TRPM6: variants seen among roughly 807,000 people sequenced by gnomAD.
TRPM6 encodes the protein transient receptor potential cation channel subfamily M member 6.
A neutral mutation model predicts 247.6 loss-of-function variants in TRPM6; 111 were observed. The observed-to-expected ratio is 0.45, with a 90% CI of 0.38 to 0.52. The LOEUF (loss-of-function observed/expected upper bound fraction) is 0.52. TRPM6 is among the 20% of genes least tolerant of loss of function. TRPM6 has a pLI of 0.00. For missense variants in TRPM6, 2,126 were observed against 2,421.5 expected (o/e 0.88, Z 2.56); for synonymous variants, 892 against 853.8 (o/e 1.04, Z -0.78).
intron 3 of TRPM6, among the ~76,000 whole-genome samples, chr9:74,854,676 T>A (rs2118331860): frequency 6.6e-6 from 1 of 152,262 alleles, no homozygotes; most frequent in South Asian, 2.1e-4. Flanking sequence ...ATTTTATTTT[T>A]TATTTGAGAC....
Position 74,750,667 on chromosome 9 carries a change from G to C in TRPM6, c.5054C>G (p.Ser1685Cys), listed in dbSNP as rs967650644. 6.2e-7 allele frequency: 1 copy of C among 1,613,660 alleles called. No individual in the cohort carries two copies. Among genetic ancestry groups the C allele is most frequent in the Non-Finnish European group, 8.5e-7 (1 of 1,179,628 alleles). ...ATAAACATTTAGAAATACTCACAGG[G>C]AGTTCCTATTGAGGTTGGTGCTCCT... ...NSRSTNLNRN[S>C]LLKSSIGVDK... The change falls in exon 30 of 39, where the codon TCC (serine) becomes TGC (cysteine). Residue 1685 changes from serine (S) to cysteine (C), a missense_variant. Transcript: ENST00000360774.
chr9:74,864,205 T>C (rs1010246615), intron 1 of TRPM6, among the ~76,000 whole-genome samples: 1 of 152,080 alleles, frequency 6.6e-6, no homozygotes, highest in Non-Finnish European at 1.5e-5. Flanking sequence ...CTAGAATGGG[T>C]CAAATAGACA....
intron 7 of TRPM6, among the ~76,000 whole-genome samples, chr9:74,824,088 G>A (rs113720614): frequency 0.019 from 2,884 of 149,694 alleles, 82 homozygotes; most frequent in African/African-American, 0.065. Flanking sequence ...TTTACCATCC[G>A]AAAAAGAAAA....
intron 31 of TRPM6, 107 bp from the exon 32 acceptor site, chr9:74,744,252 G>C: frequency 8.1e-7 from 1 of 1,233,162 alleles, no homozygotes; most frequent in South Asian, 1.2e-5. Flanking sequence ...AATCAGAATG[G>C]CTTCTCAGTA....
intron 11 of TRPM6, among the ~76,000 whole-genome samples, chr9:74,816,278 A>G (rs1261406734): frequency 6.6e-6 from 1 of 152,018 alleles, no homozygotes; most frequent in Non-Finnish European, 1.5e-5. Context: ...CTAATGGGGG[A>G]GGATTACCTG....
At chr9:74,867,649 T>C (rs1830890808) in intron 1 of TRPM6, among the ~76,000 whole-genome samples, 1 of 152,180 alleles carries the variant, frequency 6.6e-6, no homozygotes, top group Admixed American at 6.5e-5. Flanking sequence ...CTTTAATGCC[T>C]ACCACACCCA....
At chr9:74,786,839 G>A (rs2118948493) in intron 20 of TRPM6, among the ~76,000 whole-genome samples, 1 of 152,322 alleles carries the variant, frequency 6.6e-6, no homozygotes, top group East Asian at 1.9e-4. Context: ...AACACTGGAT[G>A]GAGCAAGGAA....
At chr9:74,862,096 G>GAAAAAAAAA (rs577562437) in intron 1 of TRPM6, among the ~76,000 whole-genome samples, 1 of 100,528 alleles carries the variant, frequency 9.9e-6, no homozygotes, top group African/African-American at 4.0e-5. Flanking sequence ...AAAACTACCA[G>GAAAAAAAAA]AAAAAAAAAA....
At chr9:74,727,038 T>C (rs1023475177) in intron 38 of TRPM6, among the ~76,000 whole-genome samples, 4 of 152,134 alleles carry the variant, frequency 2.6e-5, no homozygotes, top group East Asian at 3.9e-4. Flanking sequence ...CTGACCACTA[T>C]ATTCCCAGTG....
intron 14 of TRPM6, among the ~76,000 whole-genome samples, chr9:74,806,921 A>G (rs949551344): frequency 5.9e-5 from 9 of 152,326 alleles, no homozygotes; most frequent in Non-Finnish European, 7.4e-5. Flanking sequence ...ATTTAAAGAA[A>G]GGGCACTAAG....
intron 1 of TRPM6, among the ~76,000 whole-genome samples, chr9:74,875,453 G>T (rs939167330): frequency 6.6e-6 from 1 of 152,142 alleles, no homozygotes; most frequent in African/African-American, 2.4e-5. Context: ...TGAGGCAGGA[G>T]AATTGCTCAA....
intron 25 of TRPM6, among the ~76,000 whole-genome samples, chr9:74,768,518 T>G (rs2118869493): frequency 6.6e-6 from 1 of 152,320 alleles, no homozygotes; most frequent in Middle Eastern, 3.4e-3. Flanking sequence ...TACAACTTAT[T>G]GCTTTCTCTC....
chr9:74,734,500 C>A (rs1179519468), intron 36 of TRPM6, among the ~76,000 whole-genome samples: 1 of 152,058 alleles, frequency 6.6e-6, no homozygotes, highest in Non-Finnish European at 1.5e-5. Context: ...GACCTGGATA[C>A]CTCCCTTAAT....
chr9:74,813,073 G>A (rs573976875), intron 11 of TRPM6, among the ~76,000 whole-genome samples: 1 of 152,162 alleles, frequency 6.6e-6, no homozygotes, highest in Admixed American at 6.5e-5. Context: ...GACATTCAAG[G>A]TTTCTTCTTC....
chr9:74,776,366 C>A (rs888268932), intron 23 of TRPM6, among the ~76,000 whole-genome samples: 1 of 152,036 alleles, frequency 6.6e-6, no homozygotes, highest in African/African-American at 2.4e-5. Flanking sequence ...TTCTGGAACT[C>A]AACACTACTC....
intron 6 of TRPM6, among the ~76,000 whole-genome samples, chr9:74,832,823 G>A (rs145961194): frequency 9.9e-4 from 150 of 152,272 alleles, no homozygotes; most frequent in African/African-American, 3.4e-3. Flanking sequence ...AGCCGAGGCA[G>A]GCAGATCATC....
chr9:74,857,112 C>T (rs1462273462), intron 2 of TRPM6, among the ~76,000 whole-genome samples: 2 of 152,106 alleles, frequency 1.3e-5, no homozygotes, highest in African/African-American at 4.8e-5. Context: ...ACTTGCATTC[C>T]ATTGCAGTCA....
chr9:74,806,346 G>A (rs1487386682), intron 14 of TRPM6, among the ~76,000 whole-genome samples: 1 of 151,804 alleles, frequency 6.6e-6, no homozygotes, highest in Admixed American at 6.6e-5. Flanking sequence ...GGCTGGTCTC[G>A]AATTCCTGGG....
At chr9:74,751,946 G>T (rs913892518) in intron 29 of TRPM6, among the ~76,000 whole-genome samples, 1 of 152,176 alleles carries the variant, frequency 6.6e-6, no homozygotes, top group African/African-American at 2.4e-5. Context: ...ATAGAAAATA[G>T]CTTATTTTTC....
Sources: allele counts gnomAD v4.1 joint callset (sites outside exome capture counted in the v4.1 genomes callset), GRCh38; gene constraint gnomAD v4.1.1; transcripts MANE v1.5; gene names NCBI Gene and HGNC (gene_info 2026-07-23, HGNC 2026-07-21).